Variants in GRID1 observed in about 807,000 individuals in gnomAD.
GRID1 encodes the protein glutamate ionotropic receptor delta type subunit 1.
A neutral mutation model predicts 98.0 loss-of-function variants in GRID1; 28 were observed. The observed-to-expected ratio is 0.29, with a 90% CI of 0.21 to 0.39. The LOEUF is 0.39. Ranked by LOEUF, GRID1 falls within the 10% of genes least tolerant of loss-of-function variation. The pLI, the probability that GRID1 is intolerant of heterozygous loss-of-function variation, is 1.00. For synonymous variants in GRID1, 553 were observed against 538.5 expected, an observed-to-expected ratio of 1.03 and a Z score of -0.37; for missense variants, 1,111 against 1,340.5, an observed-to-expected ratio of 0.83 and a Z score of 2.67.
At chr10:86,159,489 AG>A (rs1288306779) in intron 3 of GRID1, among the ~76,000 whole-genome samples, 5 of 152,256 alleles carry the variant, frequency 3.3e-5, no homozygotes, top group African/African-American at 1.2e-4. Flanking sequence ...TTTGTAGCCT[AG>A]GAGCAATAGG....
chr10:85,882,571 A>G (rs963265420), intron 5 of GRID1, among the ~76,000 whole-genome samples: 10 of 152,144 alleles, frequency 6.6e-5, no homozygotes, highest in African/African-American at 2.2e-4. Flanking sequence ...GAATTGAACA[A>G]TGAGAACACA....
At chr10:86,310,082 G>A (rs182826682) in intron 2 of GRID1, among the ~76,000 whole-genome samples, 46 of 152,338 alleles carry the variant, frequency 3.0e-4, no homozygotes, top group African/African-American at 1.0e-3. Context: ...CACTTCTGCT[G>A]TTTGCTGAGC....
chr10:85,692,294 G>T (rs565578209), intron 12 of GRID1, among the ~76,000 whole-genome samples: 208 of 152,234 alleles, frequency 1.4e-3, no homozygotes, highest in African/African-American at 4.5e-3. Context: ...TACACTCAGT[G>T]AAGGCACAGT....
intron 2 of GRID1, among the ~76,000 whole-genome samples, chr10:86,215,061 G>A (rs1218557850): frequency 6.6e-6 from 1 of 152,198 alleles, no homozygotes; most frequent in Non-Finnish European, 1.5e-5. Flanking sequence ...TTCTAAGGAG[G>A]GGTTCACTGA....
At position 86,206,192 on chromosome 10, in the gene GRID1, G is replaced by C. The variant is rs1846022329; in HGVS notation, c.520+172C>G. Among the ~76,000 whole-genome samples, 1 of 152,198 alleles carries C rather than the reference G, an allele frequency of 6.6e-6. No individual in the cohort carries two copies. The highest frequency in any genetic ancestry group is 2.4e-5 in the African/African-American group (1 of 41,442). On this transcript the variant is annotated intron_variant, in intron 3 of 15. Transcript: ENST00000327946. This position sits in a 1 kb window ranked among gnomAD's most constrained non-coding sequence, Gnocchi z 4.1. Reference sequence around the variant, plus strand: ...CAACTTTATACCTATCTATGGAGCTGTTGTTGCAGCTCTTCCTGACTCATG... The same window carrying C: ...CAACTTTATACCTATCTATGGAGCTCTTGTTGCAGCTCTTCCTGACTCATG...
intron 8 of GRID1, among the ~76,000 whole-genome samples, chr10:85,780,592 T>C (rs1264119558): frequency 6.6e-6 from 1 of 152,220 alleles, no homozygotes; most frequent in Non-Finnish European, 1.5e-5. Flanking sequence ...ACTGAGCCGA[T>C]GTTTTCGAAA....
chr10:86,029,162 A>G (rs1262347079), intron 4 of GRID1, among the ~76,000 whole-genome samples: 2 of 152,178 alleles, frequency 1.3e-5, no homozygotes, highest in African/African-American at 4.8e-5. Flanking sequence ...ATTTCCAAAA[A>G]CACACTGGTT....
At chr10:85,794,869 T>C (rs1013521736) in intron 8 of GRID1, among the ~76,000 whole-genome samples, 1 of 152,196 alleles carries the variant, frequency 6.6e-6, no homozygotes, top group African/African-American at 2.4e-5. Context: ...TGCCAAGTGA[T>C]TGCTTTTCCT....
chr10:85,850,097 C>T (rs1008181938), intron 8 of GRID1, among the ~76,000 whole-genome samples: 2 of 152,172 alleles, frequency 1.3e-5, no homozygotes, highest in African/African-American at 4.8e-5. Flanking sequence ...CACTGAGCCA[C>T]TGAATCGGGT....
At chr10:86,355,741 C>T (rs1848526044) in intron 2 of GRID1, among the ~76,000 whole-genome samples, 1 of 152,246 alleles carries the variant, frequency 6.6e-6, no homozygotes, top group African/African-American at 2.4e-5. Flanking sequence ...TGGACACAGA[C>T]CCAGCTGTCT....
At chr10:86,231,652 T>G (rs977454683) in intron 2 of GRID1, among the ~76,000 whole-genome samples, 53 of 152,298 alleles carry the variant, frequency 3.5e-4, no homozygotes, top group African/African-American at 1.2e-3. Context: ...AAGAATAACC[T>G]GTCCAAGTGT....
chr10:86,235,527 C>A (rs937956647), intron 2 of GRID1, among the ~76,000 whole-genome samples: 4 of 152,242 alleles, frequency 2.6e-5, no homozygotes, highest in Non-Finnish European at 2.9e-5. Flanking sequence ...AAGGTCCCCT[C>A]ATGCCTGTTT....
At chr10:86,105,641 A>G (rs1844372841) in intron 4 of GRID1, among the ~76,000 whole-genome samples, 1 of 152,174 alleles carries the variant, frequency 6.6e-6, no homozygotes, top group Non-Finnish European at 1.5e-5. Flanking sequence ...CCATTCAGCA[A>G]GCACTGAAGC....
At chr10:86,350,274 A>T (rs1265352706) in intron 2 of GRID1, among the ~76,000 whole-genome samples, 2 of 152,192 alleles carry the variant, frequency 1.3e-5, no homozygotes, top group African/African-American at 4.8e-5. Flanking sequence ...TCTTAGTGCA[A>T]TGGGGAGCCA....
chr10:85,766,812 T>C (rs967986579), intron 8 of GRID1, among the ~76,000 whole-genome samples: 5 of 151,964 alleles, frequency 3.3e-5, no homozygotes, highest in African/African-American at 1.2e-4. Flanking sequence ...TGTTTTTTAG[T>C]ATATTTTATT....
intron 3 of GRID1, among the ~76,000 whole-genome samples, chr10:86,169,831 G>A (rs1045915111): frequency 2.6e-5 from 4 of 152,182 alleles, no homozygotes; most frequent in South Asian, 2.1e-4. Context: ...GAGATTTACC[G>A]CTGAAACAGC....
intron 6 of GRID1, among the ~76,000 whole-genome samples, chr10:85,865,954 TGGAGAGAGAG>T (rs1257223557): frequency 1.7e-4 from 9 of 54,508 alleles, no homozygotes; most frequent in African/African-American, 3.1e-4. Context: ...CACATATATA[TGGAGAGAGAG>T]AGAGAGAGAG....
intron 8 of GRID1, among the ~76,000 whole-genome samples, chr10:85,734,492 T>C (rs1044741082): frequency 6.6e-6 from 1 of 152,242 alleles, no homozygotes; most frequent in Admixed American, 6.5e-5. Flanking sequence ...TATTTTTGTT[T>C]TGTTTTGCTT....
In GRID1 at chr10:85,878,598, C is replaced by T. The variant is rs974681380; in HGVS notation, c.781-9418G>A. 3.3e-5 allele frequency among the ~76,000 whole-genome samples: 5 copies of T among 152,210 alleles called. No homozygotes were observed. In the South Asian group the frequency reaches 1.0e-3, roughly 32 times the overall value. On this transcript the variant is annotated intron_variant, in intron 5 of 15. Coordinates refer to ENST00000327946, the MANE Select transcript of GRID1 (RefSeq NM_017551.3). ...GAGATTTTGTCACCACCAGGCCTGC[C>T]CTAAAAGAGCTCCTGAAGGAAGCAC...
Sources: allele counts gnomAD v4.1 joint callset (sites outside exome capture counted in the v4.1 genomes callset), GRCh38; gene constraint gnomAD v4.1.1; non-coding constraint Gnocchi (gnomAD v3.1); transcripts MANE v1.5; gene names NCBI Gene and HGNC (gene_info 2026-07-23, HGNC 2026-07-21).